TMEM131L: variants seen among roughly 807,000 people sequenced by gnomAD.
TMEM131L encodes transmembrane 131 like, also known as transmembrane protein 131-like.
A neutral mutation model predicts 192.2 loss-of-function variants in TMEM131L; 54 were observed. The ratio of observed to expected loss-of-function variants is 0.28; its 90% CI spans 0.23 to 0.35. TMEM131L has a LOEUF of 0.35. Among genes scored for constraint, TMEM131L ranks in the 10% least tolerant of loss-of-function variants. The probability of loss-of-function intolerance (pLI) is 1.00; values close to 1 mark genes in which losing one functional copy is unlikely to be tolerated. For synonymous variants in TMEM131L, 701 were observed against 704.9 expected, an observed-to-expected ratio of 0.99 and a Z score of 0.09; for missense variants, 1,888 against 1,972.9, an observed-to-expected ratio of 0.96 and a Z score of 0.82.
At chr4:153,539,412 T>G (rs1413732730) in intron 3 of TMEM131L, among the ~76,000 whole-genome samples, 2 of 152,114 alleles carry the variant, frequency 1.3e-5, no homozygotes, top group Non-Finnish European at 2.9e-5. Flanking sequence ...TATGCTAGTC[T>G]GCTGAATGGA....
At chr4:153,578,641 C>A (rs1730127788) in intron 7 of TMEM131L, among the ~76,000 whole-genome samples, 1 of 152,036 alleles carries the variant, frequency 6.6e-6, no homozygotes, top group Admixed American at 6.5e-5. Flanking sequence ...CTGCCTCAGC[C>A]TCCCGAGTAG....
intron 4 of TMEM131L, 79 bp downstream of exon 4, chr4:153,550,220 A>G: frequency 1.7e-6 from 1 of 575,160 alleles, no homozygotes; most frequent in South Asian, 2.9e-5. Context: ...ATATATGTAC[A>G]ATGTTAAATT....
intron 26 of TMEM131L, among the ~76,000 whole-genome samples, chr4:153,617,342 C>G (rs1405737779): frequency 6.6e-6 from 1 of 152,324 alleles, no homozygotes. Context: ...TCTTTATCAG[C>G]AGCGTGAAAA....
intron 3 of TMEM131L, among the ~76,000 whole-genome samples, chr4:153,497,878 CAA>C (rs200874155): frequency 0.043 from 2,996 of 70,266 alleles, 55 homozygotes; most frequent in South Asian, 0.11. Context: ...GAAAAATTTC[CAA>C]AAAAAAAAAA....
chr4:153,473,818 C>T (rs1302282047), intron 2 of TMEM131L, 27 bp from the exon 3 acceptor site: 30 of 1,529,506 alleles, frequency 2.0e-5, no homozygotes, highest in South Asian at 6.2e-5. Context: ...ACAGAAACAA[C>T]GGTTAACACA....
At chr4:153,626,821 A>G (rs1471251459) in intron 30 of TMEM131L, among the ~76,000 whole-genome samples, 1 of 152,212 alleles carries the variant, frequency 6.6e-6, no homozygotes, top group Non-Finnish European at 1.5e-5. Flanking sequence ...TATTATAAAG[A>G]TGGGAATCAT....
intron 3 of TMEM131L, among the ~76,000 whole-genome samples, chr4:153,484,548 A>G (rs1732172891): frequency 6.6e-6 from 1 of 150,574 alleles, no homozygotes; most frequent in African/African-American, 2.4e-5. Flanking sequence ...GGCTCACTGC[A>G]AGCTCTGCCT....
rs956629053 is a variant in TMEM131L at position 153,557,081 on chromosome 4, A to G, written c.548A>G (p.His183Arg). ...NTSSYGVLSY[H>R]VSGIGTRRIS... Reference sequence around the variant, plus strand: ...TCTTCGTATGGAGTCCTTTCCTATCATGTGAGTAACTTTTTCCTTTTGTCA... The same window carrying G: ...TCTTCGTATGGAGTCCTTTCCTATCGTGTGAGTAACTTTTTCCTTTTGTCA... Residue 183 changes from histidine (H) to arginine (R), a missense_variant and splice_region_variant, in exon 6 of 35, where the codon CAT becomes CGT. His to Arg is a conservative substitution (Grantham distance 29, BLOSUM62 0). Coordinates refer to ENST00000409959, the MANE Select transcript of TMEM131L (RefSeq NM_001131007.2). The G allele has an allele frequency of 7.4e-7, 1 of 1,351,418 alleles. No individual in the cohort carries two copies. The highest frequency in any genetic ancestry group is 1.1e-6 in the Non-Finnish European group (1 of 945,110). 83.7% of individuals were successfully genotyped at this position (1,351,418 alleles called of 1,614,324 possible). A position where few individuals can be genotyped will look rare whatever the true frequency, so the allele number is the denominator to read the frequency against.
intron 7 of TMEM131L, among the ~76,000 whole-genome samples, chr4:153,561,506 G>A (rs545798314): frequency 6.6e-6 from 1 of 152,250 alleles, no homozygotes; most frequent in Admixed American, 6.5e-5. Flanking sequence ...TTACATTTAG[G>A]TTTATGACCC....
intron 3 of TMEM131L, among the ~76,000 whole-genome samples, chr4:153,545,860 C>G (rs933109871): frequency 6.6e-6 from 1 of 152,146 alleles, no homozygotes; most frequent in African/African-American, 2.4e-5. Flanking sequence ...TGGCTCTTGC[C>G]TTTATTTCTT....
chr4:153,617,672 G>C (rs1225205991), intron 26 of TMEM131L, among the ~76,000 whole-genome samples: 1 of 152,170 alleles, frequency 6.6e-6, no homozygotes, highest in Non-Finnish European at 1.5e-5. Context: ...ACCTAGTTCT[G>C]CTTCCACACT....
intron 26 of TMEM131L, among the ~76,000 whole-genome samples, chr4:153,614,371 T>C (rs1383123634): frequency 6.6e-6 from 1 of 152,210 alleles, no homozygotes; most frequent in Non-Finnish European, 1.5e-5. Context: ...GAGAACTGAA[T>C]TGTTGCCTGC....
chr4:153,575,849 G>A (rs189264873), intron 7 of TMEM131L, among the ~76,000 whole-genome samples: 68 of 152,318 alleles, frequency 4.5e-4, no homozygotes, highest in African/African-American at 1.5e-3. Flanking sequence ...TTGTCACACA[G>A]TGTGCTCAGT....
intron 3 of TMEM131L, among the ~76,000 whole-genome samples, chr4:153,509,102 T>C (rs955687619): frequency 6.6e-6 from 1 of 151,932 alleles, no homozygotes; most frequent in Non-Finnish European, 1.5e-5. Context: ...CCCAGCACTT[T>C]GGGAGATTGA....
chr4:153,544,753 C>T (rs1737045262), intron 3 of TMEM131L, among the ~76,000 whole-genome samples: 1 of 152,182 alleles, frequency 6.6e-6, no homozygotes, highest in South Asian at 2.1e-4. Context: ...TGGGTTTTCG[C>T]TCTTCTGTTT....
At chr4:153,517,391 A>G (rs1173018282) in intron 3 of TMEM131L, among the ~76,000 whole-genome samples, 1 of 152,112 alleles carries the variant, frequency 6.6e-6, no homozygotes, top group East Asian at 1.9e-4. Context: ...GTCCTTTACA[A>G]GGCCCTGGGC....
chr4:153,476,468 C>T lies in TMEM131L; in HGVS notation c.239+2580C>T, dbSNP rs778050629. Among the ~76,000 whole-genome samples the T allele has an allele frequency of 3.9e-5, 6 of 152,208 alleles. No homozygotes were observed. In the South Asian group the frequency reaches 8.3e-4, roughly 21 times the overall value. On this transcript the variant is annotated intron_variant, in intron 3 of 34. Transcript: ENST00000409959. ...ATCACAGCACTTTGGGAAGCTGAGG[C>T]AGGCGGATCACGAGGTCAGGTGATC...
chr4:153,522,315 G>A (rs1393247720), intron 3 of TMEM131L, among the ~76,000 whole-genome samples: 1 of 152,142 alleles, frequency 6.6e-6, no homozygotes, highest in African/African-American at 2.4e-5. Context: ...TCATAAGTTG[G>A]TAGGAAATAG....
At chr4:153,590,261 C>T (rs773788541) in intron 16 of TMEM131L, among the ~76,000 whole-genome samples, 1 of 152,180 alleles carries the variant, frequency 6.6e-6, no homozygotes, top group Non-Finnish European at 1.5e-5. Context: ...TTTTATAAAA[C>T]ATTCCACACT....
Sources: allele counts gnomAD v4.1 joint callset (sites outside exome capture counted in the v4.1 genomes callset), GRCh38; gene constraint gnomAD v4.1.1; transcripts MANE v1.5; gene names NCBI Gene and HGNC (gene_info 2026-07-23, HGNC 2026-07-21).